The following SUMF1 variants were observed in gnomAD, a reference collection of about 807,000 sequenced individuals.
The protein encoded by SUMF1 is sulfatase modifying factor 1.
In SUMF1, 48 loss-of-function variants were observed where a neutral mutation model predicts 47.6. That is an observed-to-expected ratio of 1.01 (90% CI 0.80 to 1.28). SUMF1 has a LOEUF of 1.28. Among genes scored for constraint, SUMF1 ranks in the 50% most tolerant of loss-of-function variants. The pLI is 0.00. For missense variants in SUMF1, 571 were observed against 485.4 expected (o/e 1.18, Z -1.66); for synonymous variants, 230 against 192.1 (o/e 1.20, Z -1.63).
At chr3:4,314,971 T>C (rs1362785640) in intron 8 of SUMF1, among the ~76,000 whole-genome samples, 7 of 152,308 alleles carry the variant, frequency 4.6e-5, no homozygotes, top group Non-Finnish European at 1.0e-4. Flanking sequence ...ATTGTACACT[T>C]TAAATGAGTG....
intron 8 of SUMF1, among the ~76,000 whole-genome samples, chr3:4,177,900 A>G (rs536462514): frequency 1.4e-4 from 22 of 152,204 alleles, no homozygotes; most frequent in Non-Finnish European, 2.9e-4. Flanking sequence ...CCATCAGAGA[A>G]TACTATAAAC....
At chr3:4,123,909 A>G (rs1559490062) in intron 8 of SUMF1, among the ~76,000 whole-genome samples, 1 of 152,116 alleles carries the variant, frequency 6.6e-6, no homozygotes, top group Non-Finnish European at 1.5e-5. Context: ...GGACTCGACA[A>G]TGGCTGATCC....
At chr3:4,406,573 T>C (rs1701383899) in intron 7 of SUMF1, among the ~76,000 whole-genome samples, 2 of 152,162 alleles carry the variant, frequency 1.3e-5, no homozygotes, top group Non-Finnish European at 2.9e-5. Context: ...GGCTGAAGAA[T>C]TGCCTGTACC....
At chr3:4,154,161 T>C (rs74977740) in intron 8 of SUMF1, among the ~76,000 whole-genome samples, 2 of 151,504 alleles carry the variant, frequency 1.3e-5, no homozygotes, top group East Asian at 3.9e-4. Context: ...TGGTAGAATG[T>C]GTGGAGGTAT....
intron 3 of SUMF1, among the ~76,000 whole-genome samples, chr3:4,441,184 A>T (rs754818736): frequency 1.3e-5 from 2 of 152,146 alleles, no homozygotes; most frequent in Non-Finnish European, 2.9e-5. Flanking sequence ...CTGTCAGATC[A>T]GTAGCGGCAT....
At chr3:4,170,320 C>T (rs1694803759) in intron 8 of SUMF1, among the ~76,000 whole-genome samples, 1 of 152,108 alleles carries the variant, frequency 6.6e-6, no homozygotes, top group Non-Finnish European at 1.5e-5. Flanking sequence ...CACCTGGAGG[C>T]CTTGTTAAAA....
chr3:4,076,693 C>T (rs1407123575), intron 8 of SUMF1, among the ~76,000 whole-genome samples: 4 of 152,096 alleles, frequency 2.6e-5, no homozygotes, highest in Non-Finnish European at 2.9e-5. Flanking sequence ...AGGATATGAA[C>T]AGATACTTCT....
At chr3:4,438,099 A>G (rs1026004842) in intron 3 of SUMF1, among the ~76,000 whole-genome samples, 14 of 152,146 alleles carry the variant, frequency 9.2e-5, no homozygotes, top group African/African-American at 3.4e-4. Flanking sequence ...GAGAATCTCT[A>G]TATAATAAAA....
At chr3:4,140,485 A>C (rs1335520750) in intron 8 of SUMF1, among the ~76,000 whole-genome samples, 1 of 151,942 alleles carries the variant, frequency 6.6e-6, no homozygotes, top group African/African-American at 2.4e-5. Context: ...TATTTTGTCA[A>C]GTAGGAAAAA....
At chr3:4,294,497 G>A (rs901279230) in intron 8 of SUMF1, among the ~76,000 whole-genome samples, 2 of 152,122 alleles carry the variant, frequency 1.3e-5, no homozygotes, top group South Asian at 2.1e-4. Flanking sequence ...CTGAGAGATC[G>A]AGGCTGCAGT....
intron 3 of SUMF1, among the ~76,000 whole-genome samples, chr3:4,428,692 A>T (rs1179504025): frequency 1.4e-5 from 2 of 138,106 alleles, no homozygotes; most frequent in African/African-American, 5.2e-5. Flanking sequence ...TACAGCGAAC[A>T]TATTTTTTAT....
chr3:4,144,003 T>C (rs1427382132), intron 8 of SUMF1, among the ~76,000 whole-genome samples: 10 of 151,172 alleles, frequency 6.6e-5, no homozygotes, highest in South Asian at 2.1e-4. Context: ...TTTTTTTTTT[T>C]TTTTTTAGAC....
chr3:4,408,741 C>T (rs1407225682), intron 7 of SUMF1, among the ~76,000 whole-genome samples: 3 of 152,100 alleles, frequency 2.0e-5, no homozygotes, highest in Non-Finnish European at 4.4e-5. Context: ...GGGGACAAGG[C>T]GGGTAGATCA....
intron 8 of SUMF1, among the ~76,000 whole-genome samples, chr3:4,364,918 T>C (rs1415465450): frequency 6.6e-6 from 1 of 150,954 alleles, no homozygotes; most frequent in Non-Finnish European, 1.5e-5. Flanking sequence ...GATTCTGGTA[T>C]GTTGTGTCTT....
intron 8 of SUMF1, among the ~76,000 whole-genome samples, chr3:4,240,338 G>A (rs112775760): frequency 6.6e-6 from 1 of 152,042 alleles, no homozygotes; most frequent in Non-Finnish European, 1.5e-5. Flanking sequence ...AGTTTCAGAA[G>A]GAAACTCCTC....
chr3:4,037,111 A>G (rs1694814917), intron 9 of SUMF1, among the ~76,000 whole-genome samples: 1 of 152,212 alleles, frequency 6.6e-6, no homozygotes, highest in Non-Finnish European at 1.5e-5. Flanking sequence ...AAATATTCTA[A>G]GACTAAGATC....
chr3:4,224,158 T>G (rs1696126355), intron 8 of SUMF1, among the ~76,000 whole-genome samples: 3 of 152,102 alleles, frequency 2.0e-5, no homozygotes, highest in Admixed American at 1.3e-4. Flanking sequence ...ATGATTCCTA[T>G]GAGCAGAGCC....
intron 8 of SUMF1, among the ~76,000 whole-genome samples, chr3:4,251,089 GA>G (rs1559613556): frequency 2.6e-5 from 4 of 152,124 alleles, no homozygotes; most frequent in Admixed American, 2.6e-4. Context: ...AAGCCTTCTG[GA>G]AAGGATTCAC....
intron 7 of SUMF1, among the ~76,000 whole-genome samples, chr3:4,406,836 G>C (rs1038701485): frequency 6.6e-6 from 1 of 152,182 alleles, no homozygotes; most frequent in African/African-American, 2.4e-5. Context: ...TGAGTATGCA[G>C]ATGTGGGAAA....
Sources: gnomAD v4.1 joint callset for allele counts (sites outside exome capture counted in the v4.1 genomes callset) on GRCh38, gnomAD v4.1.1 for gene constraint, MANE v1.5 for transcripts, NCBI Gene and HGNC (gene_info 2026-07-23, HGNC 2026-07-21) for gene names.